Variants in SRGAP2B observed in about 807,000 individuals in gnomAD.
SRGAP2B encodes SLIT-ROBO Rho GTPase-activating protein 2B.
In SRGAP2B, 9 loss-of-function variants were observed where a neutral mutation model predicts 22.2. The ratio of observed to expected loss-of-function variants is 0.41; its 90% CI spans 0.24 to 0.71. The LOEUF (loss-of-function observed/expected upper bound fraction) is 0.71. Among genes scored for constraint, SRGAP2B ranks in the 30% least tolerant of loss-of-function variants. The pLI is 0.35. For synonymous variants in SRGAP2B, 36 were observed against 87.4 expected, an observed-to-expected ratio of 0.41 and a Z score of 3.28; for missense variants, 114 against 235.8, an observed-to-expected ratio of 0.48 and a Z score of 3.38.
At chr1:144,976,040 A>AT (rs1397638642) in intron 3 of SRGAP2B, among the ~76,000 whole-genome samples, 2,230 of 142,406 alleles carry the variant, frequency 0.016, 58 homozygotes, top group Middle Eastern at 0.056. Context: ...TGCCCGGCTA[A>AT]TTTTTTTTTT....
chr1:144,965,940 A>C (rs1377302473), intron 3 of SRGAP2B, among the ~76,000 whole-genome samples: 1 of 150,522 alleles, frequency 6.6e-6, no homozygotes. Flanking sequence ...AGTTTAGAGA[A>C]AAAAAGAATA....
chr1:144,979,735 A>T, intron 3 of SRGAP2B, among the ~76,000 whole-genome samples: 1 of 150,198 alleles, frequency 6.7e-6, no homozygotes, highest in South Asian at 2.1e-4. Context: ...ACCTCCCCCG[A>T]CTCTCACTCC....
At chr1:144,966,188 G>C (rs370265008) in intron 3 of SRGAP2B, among the ~76,000 whole-genome samples, 1 of 148,586 alleles carries the variant, frequency 6.7e-6, no homozygotes, top group African/African-American at 2.6e-5. Flanking sequence ...ACACATAATT[G>C]TCAGATTCAC....
intron 2 of SRGAP2B, among the ~76,000 whole-genome samples, chr1:145,044,215 T>G (rs1192656642): frequency 7.3e-6 from 1 of 136,650 alleles, no homozygotes; most frequent in Non-Finnish European, 1.5e-5. Flanking sequence ...CCTTTTTTTT[T>G]TTTTTTTGCC....
At chr1:144,944,720 TTTA>T (rs1666357563) in intron 4 of SRGAP2B, among the ~76,000 whole-genome samples, 4 of 146,444 alleles carry the variant, frequency 2.7e-5, no homozygotes, top group Admixed American at 1.4e-4. Flanking sequence ...TATTTATTTA[TTTA>T]TTTTTTGAGA....
intron 2 of SRGAP2B, among the ~76,000 whole-genome samples, chr1:145,009,195 C>T (rs1305683783): frequency 6.9e-6 from 1 of 144,008 alleles, no homozygotes; most frequent in Non-Finnish European, 1.5e-5. Context: ...AAAAAAAAAC[C>T]TCCTTATCTC....
intron 4 of SRGAP2B, among the ~76,000 whole-genome samples, chr1:144,934,403 CAAAA>C (rs782588401): frequency 1.2e-4 from 5 of 40,682 alleles, no homozygotes; most frequent in South Asian, 9.1e-4. Flanking sequence ...AACTCCATCT[CAAAA>C]AAAAAAAAAA....
chr1:145,076,536 G>GA lies in SRGAP2B; in HGVS notation c.67+16298dup, dbSNP rs1210163798. Among the ~76,000 whole-genome samples, 58 of 146,100 alleles carry GA rather than the reference G, an allele frequency of 4.0e-4. 3 individuals are homozygous for GA. Among genetic ancestry groups the GA allele is most frequent in the Admixed American group, 1.1e-3 (16 of 14,738 alleles). ...GAGTCTTCAGACACTTGTGCTGAGT[G>GA]AAAAAAAAAGGCCAATCCTAAAAAG... On this transcript the variant is annotated intron_variant, in intron 2 of 9. Transcript: ENST00000612199.
chr1:144,926,997 T>C (rs1664783441), intron 4 of SRGAP2B, among the ~76,000 whole-genome samples: 1 of 151,822 alleles, frequency 6.6e-6, no homozygotes, highest in South Asian at 2.1e-4. Flanking sequence ...TTGCCCAGGC[T>C]GGAGTGTAGT....
rs1197977512 is a variant in SRGAP2B, at chr1:144,944,396, G to T, written c.423+11043C>A. 2.0e-5 allele frequency among the ~76,000 whole-genome samples: 3 copies of T among 149,734 alleles called. No homozygotes were observed. The East Asian group carries it at 5.8e-4, about 29-fold the overall frequency. On this transcript the variant is annotated intron_variant, in intron 4 of 9. Transcript: ENST00000612199. ...GGATCATTTGAGCCCCAGAGTTCAA[G>T]CCTAGCCTGGGCACCACAGCGAGAC...
Position 144,909,137 on chromosome 1 carries a change from G to A in SRGAP2B, c.487-3063C>T, listed in dbSNP as rs1270576432. On this transcript the variant is annotated intron_variant, in intron 5 of 9. Coordinates refer to ENST00000612199, the Ensembl canonical transcript of SRGAP2B. ...AACAAAAAGAATGGAAGCTGAAGCCGAAAAGCGGGTAGGCAAGCAGTAACT... is the reference window on the plus strand; with the variant it reads ...AACAAAAAGAATGGAAGCTGAAGCCAAAAAGCGGGTAGGCAAGCAGTAACT... Among the ~76,000 whole-genome samples, 120 of 150,366 alleles carry A rather than the reference G, an allele frequency of 8.0e-4. 3 individuals carry two copies. Among genetic ancestry groups the A allele is most frequent in the Admixed American group, 1.9e-3 (28 of 15,122 alleles).
At chr1:144,911,537 C>T (rs1454548300) in intron 5 of SRGAP2B, among the ~76,000 whole-genome samples, 4 of 147,360 alleles carry the variant, frequency 2.7e-5, no homozygotes, top group African/African-American at 7.8e-5. Flanking sequence ...AGTTAGTCAC[C>T]GTAATCCCAT....
At chr1:145,005,933 T>C (rs1558822580) in intron 2 of SRGAP2B, among the ~76,000 whole-genome samples, 2 of 150,342 alleles carry the variant, frequency 1.3e-5, no homozygotes, top group South Asian at 2.1e-4. Flanking sequence ...TCTATCATTA[T>C]TGAGGGCCTG....
At chr1:144,905,245 T>G in intron 6 of SRGAP2B, 26 bp from the exon 7 acceptor site, 3 of 759,748 alleles carry the variant, frequency 3.9e-6, no homozygotes, top group Non-Finnish European at 7.3e-6. Context: ...AAGTTCACTT[T>G]TACCTTTTTT....
chr1:145,091,161 G>C (rs1191556377), intron 2 of SRGAP2B, among the ~76,000 whole-genome samples: 1 of 17,908 alleles, frequency 5.6e-5, no homozygotes, highest in Non-Finnish European at 8.1e-5. Context: ...CGTGCTTCTG[G>C]AGAGAAATCT....
At chr1:144,984,502 T>A (rs1388726647) in intron 3 of SRGAP2B, among the ~76,000 whole-genome samples, 4 of 150,450 alleles carry the variant, frequency 2.7e-5, no homozygotes, top group East Asian at 3.9e-4. Context: ...CTGAATCCCA[T>A]CAGTCAGCAA....
At chr1:145,044,477 G>A (rs1649516169) in intron 2 of SRGAP2B, among the ~76,000 whole-genome samples, 1 of 138,750 alleles carries the variant, frequency 7.2e-6, no homozygotes, top group Non-Finnish European at 1.5e-5. Flanking sequence ...ATGGGAGATA[G>A]GGTGGAGAAT....
intron 4 of SRGAP2B, among the ~76,000 whole-genome samples, chr1:144,940,869 G>A (rs1183438263): frequency 6.8e-6 from 1 of 147,340 alleles, no homozygotes; most frequent in Non-Finnish European, 1.5e-5. Flanking sequence ...CTATGGGACA[G>A]CCAGACTACA....
intron 2 of SRGAP2B, among the ~76,000 whole-genome samples, chr1:145,025,916 G>A (rs1352215485): frequency 6.6e-6 from 1 of 150,548 alleles, no homozygotes; most frequent in Non-Finnish European, 1.5e-5. Flanking sequence ...TTAACGCAAT[G>A]GTCTGGGGGT....
Sources: gnomAD v4.1 joint callset for allele counts (sites outside exome capture counted in the v4.1 genomes callset) on GRCh38, gnomAD v4.1.1 for gene constraint, MANE v1.5 for transcripts, NCBI Gene and HGNC (gene_info 2026-07-23, HGNC 2026-07-21) for gene names.